Variants in CAMK2A observed in about 807,000 individuals in gnomAD.
CAMK2A encodes the protein calcium/calmodulin dependent protein kinase II alpha.
A neutral mutation model predicts 79.2 loss-of-function variants in CAMK2A; 7 were observed. That is an observed-to-expected ratio of 0.09 (90% CI 0.05 to 0.17). The LOEUF (loss-of-function observed/expected upper bound fraction) is 0.17. CAMK2A is among the 10% of genes least tolerant of loss of function. The probability of loss-of-function intolerance (pLI) is 1.00; values close to 1 mark genes in which losing one functional copy is unlikely to be tolerated. For missense variants in CAMK2A, 214 were observed against 646.4 expected (o/e 0.33, Z 7.25); for synonymous variants, 242 against 251.7 (o/e 0.96, Z 0.36).
rs1756061926 is a variant in CAMK2A at position 150,256,466 on chromosome 5, A to C, written c.411+107T>G. ...CACCCACCCCACCTTCCAGCCTAAC[A>C]CAGAGAAATTAAAGCGATTCTGATA... is the stretch of plus-strand genomic sequence containing the variant. On this transcript the variant is annotated intron_variant, in intron 6 of 18. Coordinates refer to ENST00000671881, the MANE Select transcript of CAMK2A (RefSeq NM_015981.4). The surrounding 1 kb of genome is among the most constrained non-coding windows in gnomAD (Gnocchi z 4.6). 2 of 752,414 alleles carry C rather than the reference A, an allele frequency of 2.7e-6. No individual in the cohort carries two copies. Among genetic ancestry groups the C allele is most frequent in the Admixed American group, 2.3e-5 (1 of 44,008 alleles). 46.6% of individuals were successfully genotyped at this position (752,414 alleles called of 1,614,324 possible).
intron 3 of CAMK2A, among the ~76,000 whole-genome samples, chr5:150,263,499 TCA>T (rs1463660023): frequency 3.5e-5 from 5 of 144,806 alleles, no homozygotes; most frequent in African/African-American, 1.0e-4. Context: ...ACTCACACAC[TCA>T]CATACACACA....
At chr5:150,226,717 AGAGT>A (rs1437336726) in intron 17 of CAMK2A, among the ~76,000 whole-genome samples, 7 of 113,420 alleles carry the variant, frequency 6.2e-5, no homozygotes, top group Non-Finnish European at 1.2e-4. Context: ...AGCCTGGGCA[AGAGT>A]GAGACTCAGT....
At chr5:150,240,577 T>C (rs952594281) in intron 13 of CAMK2A, among the ~76,000 whole-genome samples, 3 of 152,140 alleles carry the variant, frequency 2.0e-5, no homozygotes, top group African/African-American at 7.2e-5. Context: ...GGGGGACAAA[T>C]GTAAATTACC....
chr5:150,282,708 T>C (rs1251166981), intron 1 of CAMK2A, among the ~76,000 whole-genome samples: 2 of 152,382 alleles, frequency 1.3e-5, no homozygotes, highest in East Asian at 1.9e-4. Context: ...TCCAATATAC[T>C]GAATCGAACT....
chr5:150,231,615 A>C (rs1280465607), intron 15 of CAMK2A, among the ~76,000 whole-genome samples: 1 of 40,924 alleles, frequency 2.4e-5, no homozygotes, highest in Non-Finnish European at 9.6e-5. Flanking sequence ...CAGAAAGGCA[A>C]AAAAAAAAAA....
chr5:150,281,855 A>C (rs1757229825), intron 1 of CAMK2A, among the ~76,000 whole-genome samples: 1 of 152,206 alleles, frequency 6.6e-6, no homozygotes, highest in Admixed American at 6.5e-5. Context: ...CATCTGTGAA[A>C]TCAACTGTTG....
intron 6 of CAMK2A, among the ~76,000 whole-genome samples, chr5:150,255,642 G>A (rs1006577854): frequency 6.6e-6 from 1 of 152,228 alleles, no homozygotes; most frequent in Non-Finnish European, 1.5e-5. Flanking sequence ...GGTGCAAGGG[G>A]CTACCCCATG....
chr5:150,253,197 AAGGAGAGAGGGGGCCCC>A (rs1755907620), intron 7 of CAMK2A, among the ~76,000 whole-genome samples: 1 of 152,142 alleles, frequency 6.6e-6, no homozygotes. Flanking sequence ...AGTGACAGGA[AAGGAGAGAGGGGGCCCC>A]AGGGAGCCCT....
Position 150,219,873 on chromosome 5 carries a change from A to T in CAMK2A, c.*2837T>A, listed in dbSNP as rs1489277198. Reference sequence around the variant, plus strand: ...GGTTTGGATTTTTATTTATTTATTTATTATTATTATTATTATTATTTTGCA... The same window carrying T: ...GGTTTGGATTTTTATTTATTTATTTTTTATTATTATTATTATTATTTTGCA... On this transcript the variant is annotated 3_prime_UTR_variant, in exon 19 of 19. Coordinates refer to ENST00000671881, the MANE Select transcript of CAMK2A (RefSeq NM_015981.4). The T allele has an allele frequency of 2.2e-4, 8 of 36,714 alleles. No individual in the cohort carries two copies. Among genetic ancestry groups the T allele is most frequent in the Admixed American group, 4.9e-4 (1 of 2,030 alleles). The allele number at this position is 36,714 out of a possible 1,614,324, so 2.3% of individuals were successfully genotyped here. A position where few individuals can be genotyped will look rare whatever the true frequency, so the allele number is the denominator to read the frequency against.
rs769666173 is a variant in CAMK2A at position 150,223,743 on chromosome 5, T to A, written c.1238-526A>T. 1.3e-5 allele frequency among the ~76,000 whole-genome samples: 2 copies of A among 152,206 alleles called. No homozygotes were observed. The highest frequency in any genetic ancestry group is 2.9e-5 in the Non-Finnish European group (2 of 68,032). On this transcript the variant is annotated intron_variant, in intron 17 of 18. Transcript: ENST00000671881. This position sits in a 1 kb window ranked among gnomAD's most constrained non-coding sequence, Gnocchi z 4.1. ...CACACAGCTTCCCTGGTGGTTGCCATGTGAGTGAGACCAGTGTTGACGTGC... is the reference window on the plus strand; with the variant it reads ...CACACAGCTTCCCTGGTGGTTGCCAAGTGAGTGAGACCAGTGTTGACGTGC...
intron 2 of CAMK2A, among the ~76,000 whole-genome samples, chr5:150,269,728 A>G (rs1358337853): frequency 6.6e-6 from 1 of 152,126 alleles, no homozygotes; most frequent in African/African-American, 2.4e-5. Context: ...GCCAGGAGAG[A>G]AAAGAGACCT....
Position 150,220,609 on chromosome 5 carries a change from G to A in CAMK2A, c.*2101C>T, listed in dbSNP as rs536039480. ...ACCCTTGACTGGGGATGGCTGTAGGGAACTGGCAGCTCAAAAGGGGACAGG... is the reference window on the plus strand; with the variant it reads ...ACCCTTGACTGGGGATGGCTGTAGGAAACTGGCAGCTCAAAAGGGGACAGG... On this transcript the variant is annotated 3_prime_UTR_variant, in exon 19 of 19. Transcript: ENST00000671881. 6.6e-6 allele frequency: 1 copy of A among 152,492 alleles called. No homozygotes were observed. The highest frequency in any genetic ancestry group is 2.4e-5 in the African/African-American group (1 of 41,574). 9.4% of individuals were successfully genotyped at this position (152,492 alleles called of 1,614,324 possible).
chr5:150,289,441 T>C (rs1318923784), intron 1 of CAMK2A, 123 bp downstream of exon 1: 12 of 775,458 alleles, frequency 1.5e-5, no homozygotes, highest in Admixed American at 1.2e-4. Flanking sequence ...CCCAAACCCA[T>C]GCAGCCTGCC....
intron 16 of CAMK2A, among the ~76,000 whole-genome samples, chr5:150,229,555 G>C (rs955721380): frequency 6.6e-6 from 1 of 152,204 alleles, no homozygotes; most frequent in Admixed American, 6.5e-5. Context: ...GGACCCCAGA[G>C]GTCATGACAA....
In CAMK2A at chr5:150,251,873, C is replaced by T. The variant is rs754056972; in HGVS notation, c.599-29G>A. The T allele has an allele frequency of 4.4e-6, 7 of 1,579,036 alleles. No homozygotes were observed. The South Asian group carries it at 6.9e-5, about 15-fold the overall frequency. On this transcript the variant is annotated intron_variant, in intron 8 of 18. Transcript: ENST00000671881. ...GAAAGAGGACCAGAGAACCTTCAAC[C>T]CCCTGTGGGGAGGAGACATGGGGGG...
rs557029707 is a variant in CAMK2A, at chr5:150,236,427, T to C, written c.1066+2273A>G. On this transcript the variant is annotated intron_variant, in intron 15 of 18. Transcript: ENST00000671881. Reference sequence around the variant, plus strand: ...TAAATAGCTTCTCTGGGCCAAACACTACATGTGCACTTCATATGCATCTTC... The same window carrying C: ...TAAATAGCTTCTCTGGGCCAAACACCACATGTGCACTTCATATGCATCTTC... Among the ~76,000 whole-genome samples the C allele has an allele frequency of 3.3e-5, 5 of 152,344 alleles. No homozygotes were observed. In the East Asian group the frequency reaches 7.7e-4, roughly 23 times the overall value.
upstream of CAMK2A, chr5:150,289,889 A>C: frequency 6.2e-6 from 3 of 480,930 alleles, no homozygotes; most frequent in Non-Finnish European, 1.1e-5. Context: ...CCTCCCCAAC[A>C]CCTGCCTGCC....
intron 3 of CAMK2A, 95 bp from the exon 4 acceptor site, chr5:150,257,712 C>T (rs1016910569): frequency 3.8e-5 from 36 of 956,128 alleles, no homozygotes; most frequent in South Asian, 5.6e-5. Context: ...CAACACCCCC[C>T]GCTCCCAGAC....
intron 7 of CAMK2A, 90 bp downstream of exon 7, chr5:150,253,354 T>C (rs1002076786): frequency 9.7e-7 from 1 of 1,032,854 alleles, no homozygotes; most frequent in Non-Finnish European, 1.5e-6. Context: ...TCTCCAGCCA[T>C]ACCCACTCAG....
Sources: gnomAD v4.1 joint callset for allele counts (sites outside exome capture counted in the v4.1 genomes callset) on GRCh38, gnomAD v4.1.1 for gene constraint, Gnocchi (gnomAD v3.1) non-coding constraint, MANE v1.5 for transcripts, NCBI Gene and HGNC (gene_info 2026-07-23, HGNC 2026-07-21) for gene names.